JAKMIP1: variants seen among roughly 807,000 people sequenced by gnomAD.
JAKMIP1 encodes janus kinase and microtubule-interacting protein 1.
In JAKMIP1, 33 loss-of-function variants were observed where a neutral mutation model predicts 113.0. The observed-to-expected ratio is 0.29, with a 90% CI of 0.22 to 0.39. The LOEUF (loss-of-function observed/expected upper bound fraction) is 0.39. Among genes scored for constraint, JAKMIP1 ranks in the 10% least tolerant of loss-of-function variants. The pLI is 1.00. For missense variants in JAKMIP1, 813 were observed against 1,080.5 expected (o/e 0.75, Z 3.47); for synonymous variants, 480 against 459.9 (o/e 1.04, Z -0.56).
chr4:6,156,277 T>C lies in JAKMIP1; in HGVS notation c.-147-43280A>G, dbSNP rs1278129978. ...GAATGCCACTGTATCACACTGATCC[T>C]AAGTTAACGTTTCTGAAATCAAGAT... On this transcript the variant is annotated intron_variant, in intron 1 of 20. Coordinates refer to ENST00000409021, the MANE Select transcript of JAKMIP1 (RefSeq NM_001099433.2). The surrounding 1 kb of genome is among the most constrained non-coding windows in gnomAD (Gnocchi z 5.0). 6.6e-6 allele frequency among the ~76,000 whole-genome samples: 1 copy of C among 152,220 alleles called. No individual in the cohort carries two copies. Among genetic ancestry groups the C allele is most frequent in the Non-Finnish European group, 1.5e-5 (1 of 68,038 alleles).
intron 1 of JAKMIP1, among the ~76,000 whole-genome samples, chr4:6,115,243 T>C (rs572950167): frequency 1.3e-5 from 2 of 152,236 alleles, no homozygotes; most frequent in South Asian, 2.1e-4. Flanking sequence ...ACTGCCTCTC[T>C]ACTTAAAATA....
At chr4:6,163,627 G>A (rs1723225740) in intron 1 of JAKMIP1, among the ~76,000 whole-genome samples, 1 of 152,206 alleles carries the variant, frequency 6.6e-6, no homozygotes, top group Non-Finnish European at 1.5e-5. Flanking sequence ...TAGACACAAT[G>A]AAGCTTCATG....
Position 6,064,219 on chromosome 4 carries a change from G to A in JAKMIP1, c.1431+661C>T, listed in dbSNP as rs908800620. ...ATTATTCCCATCACTGGAAGGCATAGAAGCCCACAAGGTCTGCCTGAGATG... is the reference window on the plus strand; with the variant it reads ...ATTATTCCCATCACTGGAAGGCATAAAAGCCCACAAGGTCTGCCTGAGATG... On this transcript the variant is annotated intron_variant, in intron 9 of 20. Coordinates refer to ENST00000409021, the MANE Select transcript of JAKMIP1 (RefSeq NM_001099433.2). The surrounding 1 kb of genome is among the most constrained non-coding windows in gnomAD (Gnocchi z 4.3). Among the ~76,000 whole-genome samples the A allele has an allele frequency of 6.6e-6, 1 of 152,234 alleles. No individual in the cohort carries two copies. The highest frequency in any genetic ancestry group is 1.5e-5 in the Non-Finnish European group (1 of 68,042).
At chr4:6,117,572 T>C (rs1476434555) in intron 1 of JAKMIP1, among the ~76,000 whole-genome samples, 1 of 152,120 alleles carries the variant, frequency 6.6e-6, no homozygotes, top group African/African-American at 2.4e-5. Context: ...TTGTCATTGA[T>C]AACATCTTAT....
At position 6,167,927 on chromosome 4, in the gene JAKMIP1, CTT is replaced by C. The variant is rs756766524; in HGVS notation, c.-148+32324_-148+32325del. 6.6e-6 allele frequency among the ~76,000 whole-genome samples: 1 copy of C among 152,222 alleles called. No homozygotes were observed. The highest frequency in any genetic ancestry group is 1.5e-5 in the Non-Finnish European group (1 of 68,046). On this transcript the variant is annotated intron_variant, in intron 1 of 20. Transcript: ENST00000409021. This position sits in a 1 kb window ranked among gnomAD's most constrained non-coding sequence, Gnocchi z 5.3. Reference sequence around the variant, plus strand: ...GCGCCAGATCGCTGCACCAGTGAGACTTTGTCTCCCAGAGCTGACAGCATGCA... The same window carrying C: ...GCGCCAGATCGCTGCACCAGTGAGACTGTCTCCCAGAGCTGACAGCATGCA...
intron 1 of JAKMIP1, among the ~76,000 whole-genome samples, chr4:6,190,032 C>G (rs1727077812): frequency 6.6e-6 from 1 of 152,194 alleles, no homozygotes; most frequent in Admixed American, 6.5e-5. Context: ...CTGTCTGAAT[C>G]TAGCCCCAAT....
intron 8 of JAKMIP1, among the ~76,000 whole-genome samples, chr4:6,073,160 C>A (rs1719224936): frequency 6.6e-6 from 1 of 151,986 alleles, no homozygotes; most frequent in African/African-American, 2.4e-5. Context: ...CTGTCCTTCC[C>A]TCCAGCAGGC....
chr4:6,151,725 A>G (rs1043941963), intron 1 of JAKMIP1, among the ~76,000 whole-genome samples: 15 of 152,202 alleles, frequency 9.9e-5, no homozygotes, highest in African/African-American at 3.4e-4. Flanking sequence ...CTCAATAGCC[A>G]TTGAAGCTGG....
chr4:6,048,327 A>G (rs1715248150), intron 16 of JAKMIP1, among the ~76,000 whole-genome samples: 1 of 152,236 alleles, frequency 6.6e-6, no homozygotes, highest in Non-Finnish European at 1.5e-5. Context: ...TGCTTCTAAA[A>G]TATATCTTAT....
At chr4:6,090,287 G>A (rs140973882) in intron 3 of JAKMIP1, among the ~76,000 whole-genome samples, 7 of 152,236 alleles carry the variant, frequency 4.6e-5, no homozygotes, top group African/African-American at 1.7e-4. Context: ...CCACGTGCAG[G>A]CAGAGACTGA....
In JAKMIP1 at chr4:6,064,341, T is replaced by C. The variant is rs749748951; in HGVS notation, c.1431+539A>G. On this transcript the variant is annotated intron_variant, in intron 9 of 20. Transcript: ENST00000409021. The surrounding 1 kb of genome is among the most constrained non-coding windows in gnomAD (Gnocchi z 4.3). The stretch of plus-strand genomic sequence containing the variant: ...AATCCACCTTGCTCAAGAAGCTGGC[T>C]ATGCACCCAGATGGGCACAGGTGGT... 8.5e-4 allele frequency among the ~76,000 whole-genome samples: 130 copies of C among 152,186 alleles called. No individual in the cohort carries two copies. The highest frequency in any genetic ancestry group is 1.7e-3 in the Non-Finnish European group (118 of 68,030).
intron 3 of JAKMIP1, among the ~76,000 whole-genome samples, chr4:6,104,814 A>T (rs1713635693): frequency 6.6e-6 from 1 of 152,074 alleles, no homozygotes; most frequent in Admixed American, 6.5e-5. Flanking sequence ...ACTCAGGAGG[A>T]TCTCCTGTGC....
intron 9 of JAKMIP1, among the ~76,000 whole-genome samples, chr4:6,063,825 C>T (rs1717662514): frequency 6.6e-6 from 1 of 152,316 alleles, no homozygotes. Flanking sequence ...GGAGGCGGAC[C>T]ATTCAGAGAC....
rs1009977436 is a variant in JAKMIP1 at position 6,158,578 on chromosome 4, G to A, written c.-148+41675C>T. On this transcript the variant is annotated intron_variant, in intron 1 of 20. Coordinates refer to ENST00000409021, the MANE Select transcript of JAKMIP1 (RefSeq NM_001099433.2). The surrounding 1 kb of genome is among the most constrained non-coding windows in gnomAD (Gnocchi z 5.3). Reference sequence around the variant, plus strand: ...GATGAGGTATTCCAGAGGGCCTGCGGGAGTGGTCAACTCCATCCCATAGGG... The same window carrying A: ...GATGAGGTATTCCAGAGGGCCTGCGAGAGTGGTCAACTCCATCCCATAGGG... Among the ~76,000 whole-genome samples the A allele has an allele frequency of 6.6e-6, 1 of 152,168 alleles. No individual in the cohort carries two copies. The highest frequency in any genetic ancestry group is 2.4e-5 in the African/African-American group (1 of 41,436).
rs138608965 is a variant in JAKMIP1 at position 6,135,419 on chromosome 4, G to A, written c.-147-22422C>T. Among the ~76,000 whole-genome samples the A allele has an allele frequency of 3.9e-5, 6 of 152,126 alleles. No individual in the cohort carries two copies. Among genetic ancestry groups the A allele is most frequent in the African/African-American group, 7.2e-5 (3 of 41,470 alleles). On this transcript the variant is annotated intron_variant, in intron 1 of 20. Transcript: ENST00000409021. The surrounding 1 kb of genome is among the most constrained non-coding windows in gnomAD (Gnocchi z 4.9). The stretch of plus-strand genomic sequence containing the variant: ...CCAACCCTGGTGGCAGCTTGATCTC[G>A]GACTTCCAGTCTCCAGAATTGGGAG...
chr4:6,143,410 C>T lies in JAKMIP1; in HGVS notation c.-147-30413G>A, dbSNP rs144915624. 7.2e-5 allele frequency among the ~76,000 whole-genome samples: 11 copies of T among 152,256 alleles called. No homozygotes were observed. The East Asian group carries it at 1.2e-3, about 16-fold the overall frequency. On this transcript the variant is annotated intron_variant, in intron 1 of 20. Coordinates refer to ENST00000409021, the MANE Select transcript of JAKMIP1 (RefSeq NM_001099433.2). This position sits in a 1 kb window ranked among gnomAD's most constrained non-coding sequence, Gnocchi z 4.9. Reference sequence around the variant, plus strand: ...GCTGCCACCAACTCCTCTCTGGCGCCATGTCTGAACCCAGGCTGGTAAGAG... The same window carrying T: ...GCTGCCACCAACTCCTCTCTGGCGCTATGTCTGAACCCAGGCTGGTAAGAG...
At chr4:6,164,342 T>G (rs561457698) in intron 1 of JAKMIP1, among the ~76,000 whole-genome samples, 1 of 152,120 alleles carries the variant, frequency 6.6e-6, no homozygotes, top group Non-Finnish European at 1.5e-5. Context: ...TGTAGCATGG[T>G]TCACTGAATA....
At chr4:6,111,484 G>A (rs1714923350) in intron 2 of JAKMIP1, among the ~76,000 whole-genome samples, 1 of 152,206 alleles carries the variant, frequency 6.6e-6, no homozygotes. Context: ...CTGGGCACCA[G>A]ATGTTGATGG....
rs1721688805 is a variant in JAKMIP1, at chr4:6,089,120, C to T, written c.625-3491G>A. On this transcript the variant is annotated intron_variant, in intron 3 of 20. Transcript: ENST00000409021. The surrounding 1 kb of genome is among the most constrained non-coding windows in gnomAD (Gnocchi z 5.3). ...TGTGGTGTGAGAATGTGGGACCTGG[C>T]ACAGTGGTGGCATCCCCCCAGCACA... Among the ~76,000 whole-genome samples, 1 of 152,188 alleles carries T rather than the reference C, an allele frequency of 6.6e-6. No individual in the cohort carries two copies. Among genetic ancestry groups the T allele is most frequent in the Non-Finnish European group, 1.5e-5 (1 of 68,042 alleles).
Sources: allele counts gnomAD v4.1 joint callset (sites outside exome capture counted in the v4.1 genomes callset), GRCh38; gene constraint gnomAD v4.1.1; non-coding constraint Gnocchi (gnomAD v3.1); transcripts MANE v1.5; gene names NCBI Gene and HGNC (gene_info 2026-07-23, HGNC 2026-07-21).